The following PCSK5 variants were observed in gnomAD, a reference collection of about 807,000 sequenced individuals.
PCSK5 encodes prohormone convertase 5.
PCSK5 carries 129 observed loss-of-function variants against 233.2 expected under a neutral mutation model. The ratio of observed to expected loss-of-function variants is 0.55; its 90% CI spans 0.48 to 0.64. The LOEUF (loss-of-function observed/expected upper bound fraction) is 0.64, where lower values mean the gene tolerates loss of function less well. PCSK5 is among the 30% of genes least tolerant of loss of function. PCSK5 has a pLI of 0.00. For missense variants in PCSK5, 2,076 were observed against 2,430.1 expected, an observed-to-expected ratio of 0.85 and a Z score of 3.06; for synonymous variants, 825 against 879.2, an observed-to-expected ratio of 0.94 and a Z score of 1.09.
chr9:76,116,581 A>G (rs1405345994), intron 9 of PCSK5, among the ~76,000 whole-genome samples: 1 of 148,506 alleles, frequency 6.7e-6, no homozygotes, highest in Non-Finnish European at 1.5e-5. Flanking sequence ...GTGCAAAAAG[A>G]TAAAATTAAG....
chr9:76,319,717 C>T, intron 30 of PCSK5, among the ~76,000 whole-genome samples: 1 of 152,124 alleles, frequency 6.6e-6, no homozygotes. Context: ...CAGACCTGCC[C>T]GCAGTCATCC....
intron 36 of PCSK5, among the ~76,000 whole-genome samples, chr9:76,351,683 T>G (rs185101806): frequency 4.0e-4 from 16 of 40,496 alleles, no homozygotes; most frequent in East Asian, 9.0e-4. Flanking sequence ...AAGAAAGAGG[T>G]AGGGAGGGAG....
chr9:75,911,201 G>GTTTTTTGTT (rs1822713319), intron 1 of PCSK5, among the ~76,000 whole-genome samples: 1 of 48,764 alleles, frequency 2.1e-5, no homozygotes, highest in Non-Finnish European at 3.5e-5. Flanking sequence ...GAACATATAG[G>GTTTTTTGTT]TTTTTTTTTT....
chr9:76,325,379 G>A (rs931052494), intron 32 of PCSK5, among the ~76,000 whole-genome samples: 2 of 152,228 alleles, frequency 1.3e-5, no homozygotes, highest in African/African-American at 4.8e-5. Context: ...CTTGAGAAAG[G>A]CCCCTGGTTG....
chr9:76,101,655 C>G (rs1831763327), intron 8 of PCSK5, among the ~76,000 whole-genome samples: 1 of 152,178 alleles, frequency 6.6e-6, no homozygotes, highest in South Asian at 2.1e-4. Flanking sequence ...GAGGGGTTCT[C>G]TGAGCCAGAG....
chr9:76,168,066 G>A (rs1402822152), intron 12 of PCSK5, among the ~76,000 whole-genome samples: 2 of 152,050 alleles, frequency 1.3e-5, no homozygotes, highest in Non-Finnish European at 2.9e-5. Flanking sequence ...TTTCCACTAT[G>A]TAGGTTTCAT....
At position 76,296,812 on chromosome 9, in the gene PCSK5, G is replaced by A. The variant is rs777222949; in HGVS notation, c.3470G>A (p.Arg1157His). The change falls in exon 27 of 38, where the codon CGT becomes CAT. Residue 1157 changes from arginine (R) to histidine (H), a missense_variant. Physicochemically the swap from Arg to His is conservative, Grantham distance 29. Coordinates refer to ENST00000674117, the MANE Select transcript of PCSK5 (RefSeq NM_001372043.1). Reference protein sequence around the residue: ...SSCQEGLQLLRGMCVHATKTQ... With the variant: ...SSCQEGLQLLHGMCVHATKTQ... The stretch of plus-strand genomic sequence containing the variant: ...TGCCAGGAAGGACTGCAGCTGCTGC[G>A]TGGGATGTGCGTGCATGCCACCAAG... The A allele has an allele frequency of 2.4e-5, 38 of 1,612,430 alleles. No homozygotes were observed. Among genetic ancestry groups the A allele is most frequent in the Middle Eastern group, 1.6e-4 (1 of 6,068 alleles).
chr9:76,015,491 A>G (rs116652422), intron 3 of PCSK5, among the ~76,000 whole-genome samples: 1,778 of 152,334 alleles, frequency 0.012, 39 homozygotes, highest in African/African-American at 0.04. Flanking sequence ...AACTTTAAAG[A>G]TTATAAAGAT....
In PCSK5 at chr9:76,326,802, C is replaced by T. The variant is rs535156338; in HGVS notation, c.4340-1207C>T. Among the ~76,000 whole-genome samples the T allele has an allele frequency of 5.3e-5, 8 of 152,162 alleles. No homozygotes were observed. In the South Asian group the frequency reaches 1.7e-3, roughly 32 times the overall value. The stretch of plus-strand genomic sequence containing the variant: ...TTCTGTTAGGGAAGACAGGTACTAA[C>T]GACCATAAGCCAAGAGCAAAAATAA... On this transcript the variant is annotated intron_variant, in intron 32 of 37. Coordinates refer to ENST00000674117, the MANE Select transcript of PCSK5 (RefSeq NM_001372043.1).
chr9:76,158,868 G>T (rs1024009103), intron 11 of PCSK5, 115 bp from the exon 12 acceptor site: 4 of 842,558 alleles, frequency 4.7e-6, no homozygotes, highest in Non-Finnish European at 7.7e-6. Flanking sequence ...CTGTTGTTTA[G>T]TATCCAGCTA....
At chr9:76,071,951 A>C in intron 7 of PCSK5, 53 bp downstream of exon 7, 10 of 1,508,342 alleles carry the variant, frequency 6.6e-6, no homozygotes, top group Non-Finnish European at 8.1e-6. Flanking sequence ...GATGATTCTC[A>C]TATGAAGAAT....
At chr9:76,338,198 C>T in intron 34 of PCSK5, 32 bp from the exon 35 acceptor site, 1 of 1,503,536 alleles carries the variant, frequency 6.7e-7, no homozygotes, top group Non-Finnish European at 9.2e-7. Context: ...GCAAAGCTTA[C>T]TATTCCATCT....
At chr9:76,079,558 G>A (rs1830762288) in intron 7 of PCSK5, among the ~76,000 whole-genome samples, 1 of 152,228 alleles carries the variant, frequency 6.6e-6, no homozygotes, top group Non-Finnish European at 1.5e-5. Context: ...GGTTTCAGGA[G>A]CCATTCAGTG....
At chr9:76,211,834 T>C (rs1471892011) in intron 20 of PCSK5, among the ~76,000 whole-genome samples, 2 of 151,870 alleles carry the variant, frequency 1.3e-5, no homozygotes, top group Admixed American at 1.3e-4. Context: ...GGTGAGAGAA[T>C]GAGACCGTGT....
chr9:76,328,243 A>G lies in PCSK5; in HGVS notation c.4570+4A>G. ...CCCATGAACAGCCTTCTTCTCAGTGAGTTACTTCTCCGAGGACAGCTTTGT... is the reference window on the plus strand; with the variant it reads ...CCCATGAACAGCCTTCTTCTCAGTGGGTTACTTCTCCGAGGACAGCTTTGT... On this transcript the variant is annotated splice_donor_region_variant and intron_variant, in intron 33 of 37. Transcript: ENST00000674117. 6.3e-7 allele frequency: 1 copy of G among 1,599,894 alleles called. No individual in the cohort carries two copies. The highest frequency in any genetic ancestry group is 1.1e-5 in the South Asian group (1 of 90,816).
chr9:75,930,925 T>C (rs1004475918), intron 1 of PCSK5, among the ~76,000 whole-genome samples: 2 of 152,206 alleles, frequency 1.3e-5, no homozygotes, highest in African/African-American at 4.8e-5. Context: ...CTGGCATCTG[T>C]GCCCTCTTCC....
At position 76,188,645 on chromosome 9, in the gene PCSK5, C is replaced by G. The variant is rs753944171; in HGVS notation, c.2350C>G (p.Pro784Ala). 28 of 1,613,318 alleles carry G rather than the reference C, an allele frequency of 1.7e-5. No homozygotes were observed. Among genetic ancestry groups the G allele is most frequent in the East Asian group, 1.1e-4 (5 of 44,876 alleles). The change falls in exon 18 of 38, where the codon CCC becomes GCC. Residue 784 changes from proline (P) to alanine (A), a missense_variant. Coordinates refer to ENST00000674117, the MANE Select transcript of PCSK5 (RefSeq NM_001372043.1). ...GRYFNGQDCQ[P>A]CHRFCATCAG... Reference sequence around the variant, plus strand: ...GTATTTCAACGGCCAGGACTGCCAGCCCTGCCACCGCTTCTGCGCCACTTG... The same window carrying G: ...GTATTTCAACGGCCAGGACTGCCAGGCCTGCCACCGCTTCTGCGCCACTTG...
chr9:76,158,794 C>G (rs1302983031), intron 11 of PCSK5, among the ~76,000 whole-genome samples, 189 bp from the exon 12 acceptor site: 2 of 152,302 alleles, frequency 1.3e-5, no homozygotes, highest in South Asian at 4.1e-4. Flanking sequence ...TTTTTCACCT[C>G]TCCCTTGCAT....
At chr9:76,241,095 G>A (rs1403698283) in intron 24 of PCSK5, among the ~76,000 whole-genome samples, 2 of 152,184 alleles carry the variant, frequency 1.3e-5, no homozygotes, top group Non-Finnish European at 2.9e-5. Flanking sequence ...CTCACTTGAT[G>A]TGTAAAACAC....
Sources: gnomAD v4.1 joint callset for allele counts (sites outside exome capture counted in the v4.1 genomes callset) on GRCh38, gnomAD v4.1.1 for gene constraint, MANE v1.5 for transcripts, NCBI Gene and HGNC (gene_info 2026-07-23, HGNC 2026-07-21) for gene names.